The following KIAA1755 variants were observed in gnomAD, a reference collection of about 807,000 sequenced individuals.
KIAA1755 encodes the protein KIAA1755, also known as uncharacterized protein KIAA1755.
Under a neutral mutation model 91.7 loss-of-function variants are expected in KIAA1755, and 68 were observed. The ratio of observed to expected loss-of-function variants is 0.74; its 90% confidence interval spans 0.61 to 0.91. The LOEUF is 0.91. KIAA1755 is among the 40% of genes least tolerant of loss of function. The pLI, the probability that KIAA1755 is intolerant of heterozygous loss-of-function variation, is 0.00. For synonymous variants in KIAA1755, 610 were observed against 604.6 expected (o/e 1.01, Z -0.13); for missense variants, 1,535 against 1,494.4 (o/e 1.03, Z -0.45).
At chr20:38,216,839 C>G (rs1165555777) in intron 13 of KIAA1755, 6 of 474,964 alleles carry the variant, frequency 1.3e-5, no homozygotes, top group Admixed American at 9.3e-5. Flanking sequence ...CACTCCCCTC[C>G]CAACAACCCC....
At chr20:38,258,106 G>A (rs931653603) in intron 1 of KIAA1755, among the ~76,000 whole-genome samples, 1 of 152,016 alleles carries the variant, frequency 6.6e-6, no homozygotes, top group Non-Finnish European at 1.5e-5. Context: ...TCACCATGTT[G>A]GCCAGGCAGG....
chr20:38,210,641 A>G lies in KIAA1755; in HGVS notation c.*2401T>C, dbSNP rs529676523. The G allele has an allele frequency of 1.3e-5, 2 of 152,294 alleles. No individual in the cohort carries two copies. Among genetic ancestry groups the G allele is most frequent in the South Asian group, 2.1e-4 (1 of 4,830 alleles). 9.4% of individuals were successfully genotyped at this position (152,294 alleles called of 1,614,324 possible). On this transcript the variant is annotated 3_prime_UTR_variant, in exon 14 of 14. Coordinates refer to ENST00000279024, the MANE Select transcript of KIAA1755 (RefSeq NM_001029864.2). ...TCTTTCTGGGGACAGAGGGATGCAC[A>G]AGGTAACCTTGGGGACTCCTCCCGC...
At chr20:38,244,648 T>C (rs1045412335) in intron 2 of KIAA1755, among the ~76,000 whole-genome samples, 2 of 152,314 alleles carry the variant, frequency 1.3e-5, no homozygotes, top group East Asian at 1.9e-4. Context: ...GGCAAGTTCC[T>C]GTGGTGGGCA....
At chr20:38,227,439 C>T (rs188337731) in intron 6 of KIAA1755, among the ~76,000 whole-genome samples, 199 bp from the exon 7 acceptor site, 1 of 152,358 alleles carries the variant, frequency 6.6e-6, no homozygotes, top group Admixed American at 6.5e-5. Flanking sequence ...GCAGCAGGTT[C>T]AAGTTGTGTT....
intron 5 of KIAA1755, among the ~76,000 whole-genome samples, chr20:38,229,029 C>G: frequency 6.6e-6 from 1 of 152,198 alleles, no homozygotes; most frequent in East Asian, 1.9e-4. Context: ...CTCTAGCCAT[C>G]TGGCCAGTGG....
chr20:38,223,445 C>T (rs1245274992), intron 9 of KIAA1755, 93 bp downstream of exon 9: 18 of 793,742 alleles, frequency 2.3e-5, no homozygotes, highest in Non-Finnish European at 3.2e-5. Context: ...AATGTCCTCC[C>T]CCTTTTCCCC....
chr20:38,254,560 G>A (rs541558922), intron 1 of KIAA1755, among the ~76,000 whole-genome samples: 59 of 152,296 alleles, frequency 3.9e-4, no homozygotes, highest in African/African-American at 1.4e-3. Flanking sequence ...GGCTGAGACA[G>A]GAGGATCTCT....
rs970070542 is a variant in KIAA1755, at chr20:38,217,625, C to T, written c.2680-151G>A. The stretch of plus-strand genomic sequence containing the variant: ...CTGTAGAATGGGGACCCTAATAGCA[C>T]CCACCTCACAGGGCTTAGCTCCTGG... On this transcript the variant is annotated intron_variant, in intron 12 of 13. Transcript: ENST00000279024. 1.1e-5 allele frequency: 7 copies of T among 609,558 alleles called. No individual in the cohort carries two copies. In the African/African-American group the frequency reaches 1.3e-4, roughly 11 times the overall value. 37.8% of individuals were successfully genotyped at this position (609,558 alleles called of 1,614,324 possible). A position where few individuals can be genotyped will look rare whatever the true frequency, so the allele number is the denominator to read the frequency against.
Position 38,228,257 on chromosome 20 carries a change from G to C in KIAA1755, c.1872-17C>G. ...TCTTCAGGCCTGTGGGTGGTAAACA[G>C]AATTGACAGTCTTGCTGGATGGCCT... On this transcript the variant is annotated splice_polypyrimidine_tract_variant and intron_variant, in intron 5 of 13. Coordinates refer to ENST00000279024, the MANE Select transcript of KIAA1755 (RefSeq NM_001029864.2). 2 of 1,580,498 alleles carry C rather than the reference G, an allele frequency of 1.3e-6. No individual in the cohort carries two copies. Among genetic ancestry groups the C allele is most frequent in the Non-Finnish European group, 1.7e-6 (2 of 1,163,786 alleles).
Position 38,228,408 on chromosome 20 carries a change from T to G in KIAA1755, c.1872-168A>C, listed in dbSNP as rs1254978545. ...CCCCTTCTAGGAAGCCCTCCGTGGT[T>G]CTTCTCCAGGCAGAGCCTTTTGCTT... is the stretch of plus-strand genomic sequence containing the variant. On this transcript the variant is annotated intron_variant, in intron 5 of 13. Transcript: ENST00000279024. Among the ~76,000 whole-genome samples, 7 of 152,330 alleles carry G rather than the reference T, an allele frequency of 4.6e-5. No homozygotes were observed. In the East Asian group the frequency reaches 1.2e-3, roughly 25 times the overall value.
intron 2 of KIAA1755, among the ~76,000 whole-genome samples, chr20:38,245,021 C>G (rs556438511): frequency 6.6e-6 from 1 of 152,150 alleles, no homozygotes; most frequent in South Asian, 2.1e-4. Flanking sequence ...CCACCACTGC[C>G]GGCCTTCTCA....
intron 1 of KIAA1755, among the ~76,000 whole-genome samples, chr20:38,259,780 G>A (rs1157592387): frequency 1.3e-5 from 2 of 148,766 alleles, no homozygotes; most frequent in Non-Finnish European, 3.0e-5. Context: ...ATTCCCTGTT[G>A]CCAGATACTG....
intron 9 of KIAA1755, chr20:38,222,980 A>G (rs1017856930): frequency 1.3e-5 from 4 of 298,640 alleles, no homozygotes; most frequent in South Asian, 6.3e-5. Context: ...TCCCAGCCCA[A>G]CTCTTCCTTG....
rs778686284 is a variant in KIAA1755 at position 38,223,549 on chromosome 20, C to A, written c.2257G>T (p.Gly753Trp). ...IEEFEKADPP[G>W]GMQEATRCLS... ...TGCTCCAGGCTCACCTGCATCCCCC[C>A]AGGGGGGTCGGCCTTCTCGAATTCC... is the stretch of plus-strand genomic sequence containing the variant. The change falls in exon 9 of 14, where the codon GGG (glycine) becomes TGG (tryptophan). Residue 753 changes from glycine (G) to tryptophan (W), a missense_variant. Physicochemically the swap from Gly to Trp is radical, Grantham distance 184. Transcript: ENST00000279024. 10 of 1,595,316 alleles carry A rather than the reference C, an allele frequency of 6.3e-6. No homozygotes were observed. The East Asian group carries it at 2.1e-4, about 34-fold the overall frequency.
At chr20:38,250,109 T>C (rs958095879) in intron 1 of KIAA1755, among the ~76,000 whole-genome samples, 8 of 152,270 alleles carry the variant, frequency 5.3e-5, no homozygotes, top group Non-Finnish European at 1.2e-4. Flanking sequence ...CCTCATACCA[T>C]GCATACTATT....
At position 38,248,821 on chromosome 20, in the gene KIAA1755, G is replaced by A. The variant is rs138822996; in HGVS notation, c.4-2695C>T. On this transcript the variant is annotated intron_variant, in intron 1 of 13. Transcript: ENST00000279024. ...TGAAGCGATTCTCCTGCCTCAGCCC[G>A]AGTAGCTGGAATTACAGGGATGAGC... 2.8e-3 allele frequency among the ~76,000 whole-genome samples: 423 copies of A among 151,514 alleles called. 2 individuals are homozygous for A. Among genetic ancestry groups the A allele is most frequent in the African/African-American group, 9.3e-3 (383 of 41,258 alleles).
At chr20:38,218,525 G>C (rs564428259) in intron 11 of KIAA1755, among the ~76,000 whole-genome samples, 159 bp from the exon 12 acceptor site, 1 of 152,222 alleles carries the variant, frequency 6.6e-6, no homozygotes, top group African/African-American at 2.4e-5. Context: ...AATTCTGGGC[G>C]TGGGAAGAAA....
Position 38,259,820 on chromosome 20 carries a change from C to CCACACACACACACACA in KIAA1755, c.3+662_3+677dup, listed in dbSNP as rs57325877. ...AAACGCATCCCTGCCACCACCACCA[C>CCACACACACACACACA]CACACACACACACACACACACACAC... On this transcript the variant is annotated intron_variant, in intron 1 of 13. Coordinates refer to ENST00000279024, the MANE Select transcript of KIAA1755 (RefSeq NM_001029864.2). Among the ~76,000 whole-genome samples the CCACACACACACACACA allele has an allele frequency of 4.7e-3, 653 of 138,772 alleles. 8 individuals are homozygous for CCACACACACACACACA. The highest frequency in any genetic ancestry group is 0.011 in the African/African-American group (394 of 34,888). 91.0% of individuals were successfully genotyped at this position (138,772 alleles called of 152,430 possible).
intron 1 of KIAA1755, 174 bp downstream of exon 1, chr20:38,260,324 C>T: frequency 6.4e-7 from 1 of 1,556,848 alleles, no homozygotes; most frequent in Admixed American, 1.9e-5. Context: ...GAGATGGGCT[C>T]CTGCCCTTGA....
Sources: gnomAD v4.1 joint callset for allele counts (sites outside exome capture counted in the v4.1 genomes callset) on GRCh38, gnomAD v4.1.1 for gene constraint, MANE v1.5 for transcripts, NCBI Gene and HGNC (gene_info 2026-07-23, HGNC 2026-07-21) for gene names.